The following BACH2 variants were observed in gnomAD, a reference collection of about 807,000 sequenced individuals.
The protein encoded by BACH2 is transcription regulator protein BACH2.
In BACH2, 5 loss-of-function variants were observed where a neutral mutation model predicts 61.8. That is an observed-to-expected ratio of 0.08 (90% CI 0.04 to 0.17). The LOEUF is 0.17. Among genes scored for constraint, BACH2 ranks in the 10% least tolerant of loss-of-function variants. BACH2 has a pLI of 1.00. For missense variants in BACH2, 824 were observed against 1,091.1 expected (o/e 0.76, Z 3.45); for synonymous variants, 446 against 440.1 (o/e 1.01, Z -0.17).
chr6:90,218,809 C>G (rs1454421583), intron 3 of BACH2, among the ~76,000 whole-genome samples: 1 of 152,090 alleles, frequency 6.6e-6, no homozygotes, highest in African/African-American at 2.4e-5. Context: ...CAAACAGAAA[C>G]TTCAAATGCA....
At chr6:90,155,257 C>G (rs1440145566) in intron 4 of BACH2, among the ~76,000 whole-genome samples, 1 of 152,100 alleles carries the variant, frequency 6.6e-6, no homozygotes, top group South Asian at 2.1e-4. Flanking sequence ...ACCAGGAGAG[C>G]CTTCTTAGGA....
intron 4 of BACH2, among the ~76,000 whole-genome samples, chr6:90,097,354 C>T (rs1284384157): frequency 6.6e-6 from 1 of 152,184 alleles, no homozygotes; most frequent in Non-Finnish European, 1.5e-5. Flanking sequence ...CACTGTCTCA[C>T]TGTACTGTTG....
intron 6 of BACH2, chr6:90,007,995 C>T (rs928571111): frequency 1.9e-5 from 3 of 153,936 alleles, no homozygotes; most frequent in Non-Finnish European, 4.3e-5. Flanking sequence ...TTAAACCATC[C>T]AATTAAATGT....
At chr6:90,032,906 A>G (rs935526687) in intron 5 of BACH2, among the ~76,000 whole-genome samples, 1 of 152,192 alleles carries the variant, frequency 6.6e-6, no homozygotes, top group African/African-American at 2.4e-5. Flanking sequence ...ACACATGCAC[A>G]TGTATGTTTA....
intron 2 of BACH2, among the ~76,000 whole-genome samples, chr6:90,268,770 C>T (rs982359755): frequency 6.6e-6 from 1 of 152,012 alleles, no homozygotes; most frequent in African/African-American, 2.4e-5. Context: ...AATGATAAAA[C>T]ATAGTAATAT....
chr6:90,077,404 C>A (rs935255976), intron 5 of BACH2, among the ~76,000 whole-genome samples: 1 of 152,100 alleles, frequency 6.6e-6, no homozygotes, highest in Non-Finnish European at 1.5e-5. Context: ...TCTTCCATTT[C>A]GTTAACAGAG....
At chr6:89,937,097 G>T (rs2128353510) in intron 8 of BACH2, among the ~76,000 whole-genome samples, 1 of 152,166 alleles carries the variant, frequency 6.6e-6, no homozygotes, top group Middle Eastern at 3.4e-3. Flanking sequence ...ATAGCTCTGA[G>T]TATGGGGGAG....
chr6:90,165,921 A>G (rs1232456438), intron 4 of BACH2, among the ~76,000 whole-genome samples: 1 of 152,218 alleles, frequency 6.6e-6, no homozygotes, highest in Non-Finnish European at 1.5e-5. Flanking sequence ...GATGGATTAA[A>G]GACTTAAAAT....
At chr6:90,092,534 G>C (rs1782215773) in intron 4 of BACH2, among the ~76,000 whole-genome samples, 1 of 151,804 alleles carries the variant, frequency 6.6e-6, no homozygotes. Context: ...CACTGCCTCG[G>C]AGCCTACTAC....
Position 90,192,980 on chromosome 6 carries a change from G to A in BACH2, c.-162+13589C>T, listed in dbSNP as rs183619199. Among the ~76,000 whole-genome samples, 488 of 152,308 alleles carry A rather than the reference G, an allele frequency of 3.2e-3. 8 individuals carry two copies. Among genetic ancestry groups the A allele is most frequent in the East Asian group, 7.7e-4 (4 of 5,182 alleles). Reference sequence around the variant, plus strand: ...GTTTGATACACATTCTGAGAAAGATGGGGTGGCTCCTGTGTGTGCATGTGG... The same window carrying A: ...GTTTGATACACATTCTGAGAAAGATAGGGTGGCTCCTGTGTGTGCATGTGG... On this transcript the variant is annotated intron_variant, in intron 4 of 8. Transcript: ENST00000257749.
At chr6:90,212,636 A>G (rs1050857142) in intron 3 of BACH2, among the ~76,000 whole-genome samples, 3 of 152,208 alleles carry the variant, frequency 2.0e-5, no homozygotes, top group African/African-American at 7.2e-5. Flanking sequence ...TCTTCCCATC[A>G]AGCATCAACA....
At chr6:90,271,044 T>A (rs1771502003) in intron 2 of BACH2, among the ~76,000 whole-genome samples, 1 of 152,148 alleles carries the variant, frequency 6.6e-6, no homozygotes, top group African/African-American at 2.4e-5. Context: ...ATGAACTGGA[T>A]CCTCATCTCT....
chr6:90,268,546 T>G (rs988849147), intron 2 of BACH2, among the ~76,000 whole-genome samples: 1 of 152,240 alleles, frequency 6.6e-6, no homozygotes, highest in Non-Finnish European at 1.5e-5. Flanking sequence ...ATTTTATGTC[T>G]GTTGACTATA....
chr6:89,949,214 CAGG>C (rs1489391541), intron 7 of BACH2, among the ~76,000 whole-genome samples: 1 of 152,210 alleles, frequency 6.6e-6, no homozygotes, highest in African/African-American at 2.4e-5. Context: ...TTGCCGGCCT[CAGG>C]AGGACCATGT....
intron 4 of BACH2, among the ~76,000 whole-genome samples, chr6:90,163,555 A>C (rs1767480051): frequency 6.6e-6 from 1 of 152,152 alleles, no homozygotes; most frequent in South Asian, 2.1e-4. Flanking sequence ...ATTAATCTAG[A>C]CTATTTTATA....
intron 4 of BACH2, among the ~76,000 whole-genome samples, 191 bp from the exon 5 acceptor site, chr6:90,089,300 G>A (rs751213295): frequency 5.9e-5 from 9 of 151,928 alleles, no homozygotes; most frequent in East Asian, 3.9e-4. Flanking sequence ...TGGTAGAAAC[G>A]CCTGGGCTCT....
intron 4 of BACH2, among the ~76,000 whole-genome samples, chr6:90,204,266 A>C (rs1000293482): frequency 6.6e-6 from 1 of 152,142 alleles, no homozygotes; most frequent in Non-Finnish European, 1.5e-5. Context: ...CCAACTTTCT[A>C]GGAACAAATC....
In BACH2 at chr6:89,951,875, CAG is replaced by C; in HGVS notation, c.244-15_244-14del. 6.2e-7 allele frequency: 1 copy of C among 1,603,600 alleles called. No homozygotes were observed. The highest frequency in any genetic ancestry group is 8.5e-7 in the Non-Finnish European group (1 of 1,172,398). ...CCCTGGCTGTGACCTGCAAAACAAA[CAG>C]GGAAATCGCCAACATTACCATCAGC... On this transcript the variant is annotated splice_polypyrimidine_tract_variant and intron_variant, in intron 6 of 8. Coordinates refer to ENST00000257749, the MANE Select transcript of BACH2 (RefSeq NM_021813.4). The surrounding 1 kb of genome is among the most constrained non-coding windows in gnomAD (Gnocchi z 6.4).
At chr6:90,170,951 A>C (rs1286672648) in intron 4 of BACH2, among the ~76,000 whole-genome samples, 1 of 152,160 alleles carries the variant, frequency 6.6e-6, no homozygotes, top group Non-Finnish European at 1.5e-5. Context: ...ATATTAAGAG[A>C]CAAAGGGACA....
Sources: gnomAD v4.1 joint callset for allele counts (sites outside exome capture counted in the v4.1 genomes callset) on GRCh38, gnomAD v4.1.1 for gene constraint, Gnocchi (gnomAD v3.1) non-coding constraint, MANE v1.5 for transcripts, NCBI Gene and HGNC (gene_info 2026-07-23, HGNC 2026-07-21) for gene names.